Variants in XAF1 observed in about 807,000 individuals in gnomAD.
XAF1 encodes the protein XIAP associated factor 1.
A neutral mutation model predicts 32.3 loss-of-function variants in XAF1; 32 were observed. The ratio of observed to expected loss-of-function variants is 0.99; its 90% CI spans 0.75 to 1.33. XAF1 has a LOEUF of 1.33. Ranked by LOEUF, XAF1 falls within the 40% of genes most tolerant of loss-of-function variation. The pLI is 0.00. For missense variants in XAF1, 379 were observed against 366.0 expected, an observed-to-expected ratio of 1.04 and a Z score of -0.29; for synonymous variants, 120 against 125.9, an observed-to-expected ratio of 0.95 and a Z score of 0.31.
At chr17:6,763,095 T>A (rs1975343573) in intron 5 of XAF1, among the ~76,000 whole-genome samples, 1 of 152,196 alleles carries the variant, frequency 6.6e-6, no homozygotes, top group Non-Finnish European at 1.5e-5. Flanking sequence ...CAAAAAGAAA[T>A]CCTATACCCA....
chr17:6,764,952 G>A (rs867132179), intron 5 of XAF1, among the ~76,000 whole-genome samples: 1 of 152,040 alleles, frequency 6.6e-6, no homozygotes, highest in African/African-American at 2.4e-5. Context: ...GGACTTTCTC[G>A]GCTTCCAGGG....
intron 1 of XAF1, among the ~76,000 whole-genome samples, chr17:6,756,837 C>T (rs536955734): frequency 1.3e-5 from 2 of 152,230 alleles, no homozygotes; most frequent in East Asian, 3.9e-4. Flanking sequence ...TTTGACAGTC[C>T]CTCTCGGAGC....
chr17:6,767,175 A>G (rs1975683097), intron 5 of XAF1, among the ~76,000 whole-genome samples: 3 of 152,364 alleles, frequency 2.0e-5, no homozygotes, highest in East Asian at 1.9e-4. Context: ...ATAAGTATGT[A>G]TCATTATTAC....
At position 6,757,604 on chromosome 17, in the gene XAF1, A is replaced by AATTATTTAAATTGAAATAATTT. The variant is rs1301492628; in HGVS notation, c.33-484_33-483insTTATTTAAATTGAAATAATTTA. Reference sequence around the variant, plus strand: ...TTCAAGAGAATTTGGCACTTCTCTCAAATTATTTAAATTGAAATAATTTAA... The same window carrying AATTATTTAAATTGAAATAATTT: ...TTCAAGAGAATTTGGCACTTCTCTCAATTATTTAAATTGAAATAATTTAATTATTTAAATTGAAATAATTTAA... On this transcript the variant is annotated intron_variant, in intron 1 of 6. Transcript: ENST00000361842. Among the ~76,000 whole-genome samples, 551 of 145,930 alleles carry AATTATTTAAATTGAAATAATTT rather than the reference A, an allele frequency of 3.8e-3. 2 individuals are homozygous for AATTATTTAAATTGAAATAATTT. Among genetic ancestry groups the AATTATTTAAATTGAAATAATTT allele is most frequent in the Middle Eastern group, 0.014 (4 of 284 alleles).
At position 6,759,966 on chromosome 17, in the gene XAF1, C is replaced by T. The variant is rs1975049099; in HGVS notation, c.225+248C>T. 5 of 633,496 alleles carry T rather than the reference C, an allele frequency of 7.9e-6. No homozygotes were observed. In the Admixed American group the frequency reaches 9.0e-5, roughly 11 times the overall value. 39.2% of individuals were successfully genotyped at this position (633,496 alleles called of 1,614,324 possible). A position where few individuals can be genotyped will look rare whatever the true frequency, so the allele number is the denominator to read the frequency against. On this transcript the variant is annotated intron_variant, in intron 3 of 6. Coordinates refer to ENST00000361842, the MANE Select transcript of XAF1 (RefSeq NM_017523.5). ...AGCTCAGATCCCCCGAAGGCAGTCC[C>T]GCACTCTGGCCCTTCTCATCTGCTT...
chr17:6,755,602 C>T (rs775500550), upstream of XAF1: 97 of 1,011,830 alleles, frequency 9.6e-5, no homozygotes, highest in Non-Finnish European at 1.1e-4. Context: ...GTCCTCACCG[C>T]CTGGAAGTCC....
Position 6,761,779 on chromosome 17 carries a change from A to G in XAF1, c.422-376A>G, listed in dbSNP as rs367811231. 611 of 1,226,316 alleles carry G rather than the reference A, an allele frequency of 5.0e-4. 3 individuals are homozygous for G. In the African/African-American group the frequency reaches 8.6e-3, roughly 17 times the overall value. The allele number at this position is 1,226,316 out of a possible 1,614,324, so 76.0% of individuals were successfully genotyped here. A position where few individuals can be genotyped will look rare whatever the true frequency, so the allele number is the denominator to read the frequency against. ...AACACTGTCAACAAAAATGTGTTCA[A>G]CCAACACCTGGTCTGATCACAGAGT... On this transcript the variant is annotated intron_variant, in intron 4 of 6. Transcript: ENST00000361842.
intron 5 of XAF1, among the ~76,000 whole-genome samples, chr17:6,763,485 G>A (rs761628783): frequency 1.3e-5 from 2 of 151,998 alleles, no homozygotes; most frequent in African/African-American, 2.4e-5. Flanking sequence ...CTGCCACCAC[G>A]CCCGGCTAAT....
intron 3 of XAF1, chr17:6,760,005 C>G: frequency 1.8e-6 from 1 of 560,084 alleles, no homozygotes; most frequent in Non-Finnish European, 3.2e-6. Flanking sequence ...CGTATTGGCC[C>G]TAATTCCCTA....
chr17:6,756,423 C>T (rs1325149117), intron 1 of XAF1, among the ~76,000 whole-genome samples: 2 of 152,014 alleles, frequency 1.3e-5, no homozygotes, highest in Non-Finnish European at 1.5e-5. Context: ...GACCTTGGGT[C>T]CTAATTTGGG....
chr17:6,756,222 G>A, intron 1 of XAF1, 112 bp downstream of exon 1: 1 of 1,586,040 alleles, frequency 6.3e-7, no homozygotes, highest in Non-Finnish European at 8.6e-7. Flanking sequence ...AGAACACTTA[G>A]GAGGACAAGC....
chr17:6,760,685 A>T (rs767873387), intron 4 of XAF1, 84 bp downstream of exon 4: 8 of 1,328,796 alleles, frequency 6.0e-6, no homozygotes, highest in Non-Finnish European at 8.3e-6. Flanking sequence ...GGAAGCTCTC[A>T]ACAGGACGGA....
rs553875506 is a variant in XAF1, at chr17:6,760,125, G to A, written c.226-281G>A. ...AGCACTTTGGGAGGCCAAGGCGGGT[G>A]GATCACGAGGTCAGGAGTTCGAGAC... On this transcript the variant is annotated intron_variant, in intron 3 of 6. Transcript: ENST00000361842. 4.9e-3 allele frequency among the ~76,000 whole-genome samples: 747 copies of A among 152,184 alleles called. 9 individuals are homozygous for A. Among genetic ancestry groups the A allele is most frequent in the African/African-American group, 0.017 (709 of 41,504 alleles).
At position 6,760,406 on chromosome 17, in the gene XAF1, G is replaced by C; in HGVS notation, c.226G>C (p.Ala76Pro). Residue 76 changes from alanine to proline, a missense_variant and splice_region_variant, in exon 4 of 7, where the codon GCC (alanine) becomes CCC (proline). Coordinates refer to ENST00000361842, the MANE Select transcript of XAF1 (RefSeq NM_017523.5). Reference protein sequence around the residue: ...MQKSSLEFHKANECQERPVEC... With the variant: ...MQKSSLEFHKPNECQERPVEC... Reference sequence around the variant, plus strand: ...ATGCCCTTCCTGCTGCCTCCCACAGGCCAATGAGTGCCAGGAGCGCCCTGT... The same window carrying C: ...ATGCCCTTCCTGCTGCCTCCCACAGCCCAATGAGTGCCAGGAGCGCCCTGT... The C allele has an allele frequency of 6.2e-7, 1 of 1,605,804 alleles. No individual in the cohort carries two copies. The highest frequency in any genetic ancestry group is 8.5e-7 in the Non-Finnish European group (1 of 1,176,090).
chr17:6,756,297 G>GC, intron 1 of XAF1, 187 bp downstream of exon 1: 7 of 1,220,348 alleles, frequency 5.7e-6, no homozygotes, highest in Non-Finnish European at 6.5e-6. Context: ...GTGGGGGTGG[G>GC]CAGCATTACC....
chr17:6,761,857 C>T (rs1001311758), intron 4 of XAF1: 11 of 1,409,792 alleles, frequency 7.8e-6, no homozygotes, highest in Admixed American at 4.2e-5. Context: ...GGTTGGCATC[C>T]GTGGCTACAG....
intron 5 of XAF1, among the ~76,000 whole-genome samples, chr17:6,766,078 T>A (rs1438991820): frequency 2.0e-5 from 3 of 152,124 alleles, no homozygotes; most frequent in Non-Finnish European, 4.4e-5. Flanking sequence ...AGCTACCTCC[T>A]CACCTTCCCC....
rs768435132 is a variant in XAF1, at chr17:6,756,111, G to T, written c.32+1G>T. On this transcript the variant is annotated splice_donor_variant, in intron 1 of 6. Transcript: ENST00000361842. LOFTEE classifies it high-confidence loss of function. ...GAGACTTCTCGGTGTGCAGGAACTG[G>T]TAAGAAAGTGCTTTCTCCAGCGGCA... The T allele has an allele frequency of 5.0e-6, 8 of 1,613,856 alleles. No homozygotes were observed. Among genetic ancestry groups the T allele is most frequent in the East Asian group, 2.2e-5 (1 of 44,874 alleles).
chr17:6,769,585 A>T (rs1338405151), intron 5 of XAF1, among the ~76,000 whole-genome samples: 5 of 151,896 alleles, frequency 3.3e-5, no homozygotes, highest in Admixed American at 2.0e-4. Flanking sequence ...TGTGTCTGTG[A>T]CTCTTACTCA....
Sources: gnomAD v4.1 joint callset for allele counts (sites outside exome capture counted in the v4.1 genomes callset) on GRCh38, gnomAD v4.1.1 for gene constraint, MANE v1.5 for transcripts, NCBI Gene and HGNC (gene_info 2026-07-23, HGNC 2026-07-21) for gene names.